The following ELANE variants were observed in gnomAD, a reference collection of about 807,000 sequenced individuals.
The protein encoded by ELANE is elastase, neutrophil expressed.
Under a neutral mutation model 20.6 loss-of-function variants are expected in ELANE, and 12 were observed. That is an observed-to-expected ratio of 0.58 (90% CI 0.37 to 0.94). The LOEUF (loss-of-function observed/expected upper bound fraction) is 0.94. ELANE is among the 40% of genes least tolerant of loss of function. ELANE has a pLI of 0.01. For synonymous variants in ELANE, 203 were observed against 177.4 expected, an observed-to-expected ratio of 1.14 and a Z score of -1.15; for missense variants, 388 against 395.2, an observed-to-expected ratio of 0.98 and a Z score of 0.15.
intron 3 of ELANE, 65 bp downstream of exon 3, chr19:853,468 C>A: frequency 3.9e-6 from 6 of 1,528,876 alleles, no homozygotes; most frequent in Non-Finnish European, 5.3e-6. Context: ...GTGGAGGCTG[C>A]GACGGAGGGG....
In ELANE at chr19:852,886, G is replaced by T; in HGVS notation, c.78G>T (p.Leu26=). 6.3e-7 allele frequency: 1 copy of T among 1,596,112 alleles called. No homozygotes were observed. Among genetic ancestry groups the T allele is most frequent in the Non-Finnish European group, 8.5e-7 (1 of 1,177,296 alleles). Residue 26 remains leucine (L), a synonymous_variant, in exon 2 of 5, where the codon CTG becomes CTT. Coordinates refer to ENST00000263621, the MANE Select transcript of ELANE (RefSeq NM_001972.4). ...CCGGTGTGTCCCCAGGCACCGCGCT[G>T]GCCTCGGAGATTGTGGGGGGCCGGC... ...LPALLLGGTA[L]ASEIVGGRRA...
rs963814803 is a variant in ELANE at position 853,127 on chromosome 19, G to T, written c.224+95G>T. On this transcript the variant is annotated intron_variant, in intron 2 of 4. Transcript: ENST00000263621. ...GCCGGGGCCGGGGCTGCTGGCGGGG[G>T]GGGGTCCGTCCAGGGCCCGCGGGGC... The T allele has an allele frequency of 3.0e-5, 45 of 1,487,348 alleles. 1 individual carries two copies. The highest frequency in any genetic ancestry group is 3.8e-5 in the Non-Finnish European group (43 of 1,121,116). 92.1% of individuals were successfully genotyped at this position (1,487,348 alleles called of 1,614,324 possible). A position where few individuals can be genotyped will look rare whatever the true frequency, so the allele number is the denominator to read the frequency against.
In ELANE at chr19:853,052, C is replaced by A; in HGVS notation, c.224+20C>A. 1 of 1,540,942 alleles carries A rather than the reference C, an allele frequency of 6.5e-7. No homozygotes were observed. Among genetic ancestry groups the A allele is most frequent in the Non-Finnish European group, 8.7e-7 (1 of 1,149,914 alleles). On this transcript the variant is annotated intron_variant, in intron 2 of 4. Transcript: ENST00000263621. ...GAATGTGTGAGTAGCCGGGAGTGTG[C>A]GCGCCCGGCTCGGACCCCGCGTCCC...
At position 852,915 on chromosome 19, in the gene ELANE, C is replaced by T. The variant is rs1238175738; in HGVS notation, c.107C>T (p.Ala36Val). 3.8e-6 allele frequency: 6 copies of T among 1,595,936 alleles called. No individual in the cohort carries two copies. In the African/African-American group the frequency reaches 4.0e-5, roughly 11 times the overall value. Residue 36 changes from alanine to valine, a missense_variant, in exon 2 of 5, where the codon GCG becomes GTG. Transcript: ENST00000263621. ...LASEIVGGRR[A>V]RPHAWPFMVS... ...TCGGAGATTGTGGGGGGCCGGCGAG[C>T]GCGGCCCCACGCGTGGCCCTTCATG... is the stretch of plus-strand genomic sequence containing the variant.
chr19:853,097 G>C, intron 2 of ELANE, 65 bp downstream of exon 2: 1 of 1,516,954 alleles, frequency 6.6e-7, no homozygotes, highest in Non-Finnish European at 8.8e-7. Flanking sequence ...GGTGGGTGGG[G>C]GGAGGCCGGG....
chr19:854,630 C>T (rs1217044640), intron 3 of ELANE, among the ~76,000 whole-genome samples: 11 of 148,218 alleles, frequency 7.4e-5, no homozygotes. Flanking sequence ...TCCACCACGT[C>T]TGGCTAATAT....
rs2035680508 is a variant in ELANE, at chr19:856,226, A to T, written c.*62A>T. The T allele has an allele frequency of 6.3e-7, 1 of 1,578,880 alleles. No individual in the cohort carries two copies. Among genetic ancestry groups the T allele is most frequent in the African/African-American group, 1.3e-5 (1 of 74,150 alleles). On this transcript the variant is annotated 3_prime_UTR_variant, in exon 5 of 5. Coordinates refer to ENST00000263621, the MANE Select transcript of ELANE (RefSeq NM_001972.4). ...ACACTCTCCAGCATCTGGCACAATAAACATTCTCTGTTTTGTAGAATGTGT... is the reference window on the plus strand; with the variant it reads ...ACACTCTCCAGCATCTGGCACAATATACATTCTCTGTTTTGTAGAATGTGT...
chr19:856,153 A>C lies in ELANE; in HGVS notation c.793A>C (p.Arg265=), dbSNP rs767940820. The change falls in exon 5 of 5, where the codon AGG becomes CGG. Residue 265 remains arginine, a synonymous_variant. Coordinates refer to ENST00000263621, the MANE Select transcript of ELANE (RefSeq NM_001972.4). ...PHPRDPDPAS[R]TH is the part of the protein sequence containing the mutation. ...CCCCCGGGACCCGGACCCGGCCAGCAGGACCCACTGAGAAGGGCTGCCCGG... is the reference window on the plus strand; with the variant it reads ...CCCCCGGGACCCGGACCCGGCCAGCCGGACCCACTGAGAAGGGCTGCCCGG... 6.2e-7 allele frequency: 1 copy of C among 1,612,882 alleles called. No individual in the cohort carries two copies. The highest frequency in any genetic ancestry group is 1.1e-5 in the South Asian group (1 of 91,082).
In ELANE at chr19:853,366, AC is replaced by A. The variant is rs1194945265; in HGVS notation, c.333del (p.Val112Ter). On this transcript the variant is annotated frameshift_variant, in exon 3 of 5. Coordinates refer to ENST00000263621, the MANE Select transcript of ELANE (RefSeq NM_001972.4). LOFTEE classifies it high-confidence loss of function. ...CAGCGCATCTTCGAAAACGGCTACGACCCCGTAAACTTGCTCAACGACATCG... is the reference window on the plus strand; with the variant it reads ...CAGCGCATCTTCGAAAACGGCTACGACCCGTAAACTTGCTCAACGACATCG... ...AVQRIFENGY[D>X]PVNLLNDIVI... The A allele has an allele frequency of 6.2e-7, 1 of 1,610,612 alleles. No individual in the cohort carries two copies. The highest frequency in any genetic ancestry group is 1.7e-4 in the Middle Eastern group (1 of 6,052).
chr19:855,623 ACGC>A lies in ELANE; in HGVS notation c.431_433del (p.Arg144del). The A allele has an allele frequency of 6.2e-7, 1 of 1,603,632 alleles. No homozygotes were observed. Among genetic ancestry groups the A allele is most frequent in the African/African-American group, 1.3e-5 (1 of 75,004 alleles). The stretch of plus-strand genomic sequence containing the variant: ...AGGTGGCCCAGCTGCCGGCTCAGGG[ACGC>A]CGCCTGGGCAACGGGGTGCAGTGCC... On this transcript the variant is annotated inframe_deletion, in exon 4 of 5. Transcript: ENST00000263621. This position sits in a 1 kb window ranked among gnomAD's most constrained non-coding sequence, Gnocchi z 6.2.
rs1182426274 is a variant in ELANE at position 855,056 on chromosome 19, T to C, written c.367-508T>C. On this transcript the variant is annotated intron_variant, in intron 3 of 4. Coordinates refer to ENST00000263621, the MANE Select transcript of ELANE (RefSeq NM_001972.4). The surrounding 1 kb of genome is among the most constrained non-coding windows in gnomAD (Gnocchi z 6.2). ...TGTTAGTAGAGACGGGGTTTAACCA[T>C]GTTAGCCAGGATGGTCTTGATCTCC... 6.6e-6 allele frequency among the ~76,000 whole-genome samples: 1 copy of C among 151,978 alleles called. No homozygotes were observed. The highest frequency in any genetic ancestry group is 1.5e-5 in the Non-Finnish European group (1 of 68,012).
At chr19:853,230 GC>G (rs2035623543) in intron 2 of ELANE, 31 bp from the exon 3 acceptor site, 2 of 1,559,958 alleles carry the variant, frequency 1.3e-6, no homozygotes, top group African/African-American at 2.8e-5. Flanking sequence ...CCCCGGGGCC[GC>G]CCCTGAGCCC....
rs927157800 is a variant in ELANE at position 852,308 on chromosome 19, C to T, written c.-21C>T. On this transcript the variant is annotated 5_prime_UTR_variant, in exon 1 of 5. Transcript: ENST00000263621. ...CCGGGCGGGCACGGAGGGGCAGAGACCCCGGAGCCCCAGCCCCACCATGAC... is the reference window on the plus strand; with the variant it reads ...CCGGGCGGGCACGGAGGGGCAGAGATCCCGGAGCCCCAGCCCCACCATGAC... The T allele has an allele frequency of 3.1e-6, 5 of 1,605,166 alleles. No individual in the cohort carries two copies. The highest frequency in any genetic ancestry group is 2.7e-5 in the African/African-American group (2 of 74,856).
rs1002465026 is a variant in ELANE, at chr19:855,900, G to A, written c.598-58G>A. 17 of 1,608,914 alleles carry A rather than the reference G, an allele frequency of 1.1e-5. No individual in the cohort carries two copies. The highest frequency in any genetic ancestry group is 2.2e-5 in the East Asian group (1 of 44,852). ...GAGGGACTTCCCAACCCTGACAGGCGGCGGGCAGGTGGGCAGGGCCTCGCA... is the reference window on the plus strand; with the variant it reads ...GAGGGACTTCCCAACCCTGACAGGCAGCGGGCAGGTGGGCAGGGCCTCGCA... On this transcript the variant is annotated intron_variant, in intron 4 of 4. Coordinates refer to ENST00000263621, the MANE Select transcript of ELANE (RefSeq NM_001972.4). The surrounding 1 kb of genome is among the most constrained non-coding windows in gnomAD (Gnocchi z 6.2).
chr19:855,735 C>T lies in ELANE; in HGVS notation c.538C>T (p.Leu180Phe). The T allele has an allele frequency of 6.2e-7, 1 of 1,609,752 alleles. No individual in the cohort carries two copies. Among genetic ancestry groups the T allele is most frequent in the Non-Finnish European group, 8.5e-7 (1 of 1,179,940 alleles). Residue 180 changes from leucine to phenylalanine, a missense_variant, in exon 4 of 5, where the codon CTC (leucine) becomes TTC (phenylalanine). By Grantham distance (22) the Leu-to-Phe change is conservative. This residue lies in a region of ELANE where 321 missense variants were observed against 309.8 expected (regional missense o/e 1.04). Transcript: ENST00000263621. This position sits in a 1 kb window ranked among gnomAD's most constrained non-coding sequence, Gnocchi z 6.2. The stretch of plus-strand genomic sequence containing the variant: ...GCTCAACGTGACGGTGGTGACGTCC[C>T]TCTGCCGTCGCAGCAACGTCTGCAC... Reference protein sequence around the residue: ...QELNVTVVTSLCRRSNVCTLV... With the variant: ...QELNVTVVTSFCRRSNVCTLV...
intron 2 of ELANE, 21 bp downstream of exon 2, chr19:853,053 G>C (rs914104602): frequency 4.5e-6 from 7 of 1,542,066 alleles, no homozygotes; most frequent in Non-Finnish European, 5.2e-6. Context: ...GGGAGTGTGC[G>C]CGCCCGGCTC....
rs1008048630 is a variant in ELANE, at chr19:853,324, G to T, written c.287G>T (p.Arg96Leu). ...AHNLSRREPT[R>L]QVFAVQRIFE... is the part of the protein sequence containing the mutation. ...AACCTCTCGCGGCGGGAGCCCACCC[G>T]GCAGGTGTTCGCCGTGCAGCGCATC... The change falls in exon 3 of 5, where the codon CGG becomes CTG. Residue 96 changes from arginine to leucine, a missense_variant. Physicochemically the swap from Arg to Leu is moderately radical, Grantham distance 102 (BLOSUM62 -2). Around this residue, in one of 3 missense-constraint regions of ELANE, gnomAD observed 321 missense variants for 309.8 expected, o/e 1.04. Transcript: ENST00000263621. 4.3e-6 allele frequency: 7 copies of T among 1,610,354 alleles called. No individual in the cohort carries two copies. Among genetic ancestry groups the T allele is most frequent in the South Asian group, 1.1e-5 (1 of 90,864 alleles).
In ELANE at chr19:855,279, C is replaced by T. The variant is rs1371630437; in HGVS notation, c.367-285C>T. On this transcript the variant is annotated intron_variant, in intron 3 of 4. Coordinates refer to ENST00000263621, the MANE Select transcript of ELANE (RefSeq NM_001972.4). This position sits in a 1 kb window ranked among gnomAD's most constrained non-coding sequence, Gnocchi z 6.2. ...GTGCTGGGCTTACAAGCATGAGCCA[C>T]CGCGCCCGGCTGTAGTTTTTTTGTT... Among the ~76,000 whole-genome samples the T allele has an allele frequency of 6.6e-6, 1 of 152,186 alleles. No homozygotes were observed. The highest frequency in any genetic ancestry group is 1.5e-5 in the Non-Finnish European group (1 of 68,036).
Position 856,127 on chromosome 19 carries a change from AC to A in ELANE, c.772del (p.Arg258GlyfsTer?), listed in dbSNP as rs1367417452. On this transcript the variant is annotated frameshift_variant, in exon 5 of 5. Coordinates refer to ENST00000263621, the MANE Select transcript of ELANE (RefSeq NM_001972.4). LOFTEE classifies it high-confidence loss of function. ...IQRSEDNPCP[H>X]PRDPDPASRT... Reference sequence around the variant, plus strand: ...CGCTCCGAGGACAACCCCTGTCCCCACCCCCGGGACCCGGACCCGGCCAGCA... The same window carrying A: ...CGCTCCGAGGACAACCCCTGTCCCCACCCCGGGACCCGGACCCGGCCAGCA... 1 of 1,612,596 alleles carries A rather than the reference AC, an allele frequency of 6.2e-7. No individual in the cohort carries two copies. The highest frequency in any genetic ancestry group is 8.5e-7 in the Non-Finnish European group (1 of 1,179,964).
Sources: allele counts gnomAD v4.1 joint callset (sites outside exome capture counted in the v4.1 genomes callset), GRCh38; gene constraint gnomAD v4.1.1; regional missense constraint gnomAD v4.1.1; non-coding constraint Gnocchi (gnomAD v3.1); transcripts MANE v1.5; gene names NCBI Gene and HGNC (gene_info 2026-07-23, HGNC 2026-07-21).